Variants in VWA3A observed in about 807,000 individuals in gnomAD.
VWA3A encodes von Willebrand factor A domain-containing protein 3A.
In VWA3A, 134 loss-of-function variants were observed where a neutral mutation model predicts 160.4. The ratio of observed to expected loss-of-function variants is 0.84; its 90% CI spans 0.73 to 0.96. The LOEUF (loss-of-function observed/expected upper bound fraction) is 0.96. VWA3A is among the 40% of genes least tolerant of loss of function. VWA3A has a pLI of 0.00. For synonymous variants in VWA3A, 476 were observed against 543.4 expected (o/e 0.88, Z 1.72); for missense variants, 1,310 against 1,447.9 (o/e 0.90, Z 1.55).
chr16:22,114,033 A>G (rs1219416264), intron 8 of VWA3A, among the ~76,000 whole-genome samples: 1 of 152,174 alleles, frequency 6.6e-6, no homozygotes, highest in Non-Finnish European at 1.5e-5. Flanking sequence ...TTGAGAAAAA[A>G]AAAAAAGAAA....
chr16:22,093,863 C>T (rs1398275953), intron 1 of VWA3A, among the ~76,000 whole-genome samples: 4 of 152,096 alleles, frequency 2.6e-5, no homozygotes, highest in Non-Finnish European at 5.9e-5. Context: ...CTCCTGGGCT[C>T]AAGTGACCTG....
In VWA3A at chr16:22,109,529, G is replaced by C; in HGVS notation, c.531G>C (p.Val177=). The change falls in exon 7 of 34, where the codon GTG becomes GTC. Residue 177 remains valine (V), a synonymous_variant. Coordinates refer to ENST00000389398, the MANE Select transcript of VWA3A (RefSeq NM_173615.5). The part of the protein sequence containing the change: ...KGARVSILID[V]SAISSGPQKE... ...CCAGAGTCAGCATCCTCATAGATGT[G>C]TCAGCCATCAGCAGTGGCCCTCAGA... The C allele has an allele frequency of 5.0e-6, 8 of 1,613,244 alleles. No homozygotes were observed. Among genetic ancestry groups the C allele is most frequent in the Non-Finnish European group, 6.8e-6 (8 of 1,179,648 alleles).
rs1156703764 is a variant in VWA3A at position 22,149,637 on chromosome 16, G to T, written c.2985-150G>T. The T allele has an allele frequency of 3.2e-6, 3 of 932,444 alleles. No individual in the cohort carries two copies. The African/African-American group carries it at 5.1e-5, about 16-fold the overall frequency. The allele number at this position is 932,444 out of a possible 1,614,324, so 57.8% of individuals were successfully genotyped here. On this transcript the variant is annotated intron_variant, in intron 28 of 33. Transcript: ENST00000389398. ...AGGCCCCACAGCCCTCTCCCTGAGGGGCCACAGGGCTCGTTGTAGGGGTCT... is the reference window on the plus strand; with the variant it reads ...AGGCCCCACAGCCCTCTCCCTGAGGTGCCACAGGGCTCGTTGTAGGGGTCT...
intron 26 of VWA3A, among the ~76,000 whole-genome samples, chr16:22,145,640 CAAAAA>C (rs201708423): frequency 1.1e-5 from 1 of 87,150 alleles, no homozygotes. Flanking sequence ...GACTCTGTCT[CAAAAA>C]AAAAAAAAAA....
chr16:22,102,883 C>T (rs1049854080), intron 5 of VWA3A, among the ~76,000 whole-genome samples: 7 of 152,066 alleles, frequency 4.6e-5, no homozygotes, highest in Non-Finnish European at 1.0e-4. Context: ...AGAAAGGAGA[C>T]GAGGTTACAT....
In VWA3A at chr16:22,132,922, C is replaced by A; in HGVS notation, c.1895C>A (p.Ala632Asp). The A allele has an allele frequency of 6.2e-7, 1 of 1,613,724 alleles. No individual in the cohort carries two copies. The highest frequency in any genetic ancestry group is 8.5e-7 in the Non-Finnish European group (1 of 1,179,854). Residue 632 changes from alanine to aspartate, a missense_variant, in exon 20 of 34, where the codon GCT becomes GAT. Ala to Asp is a moderately radical substitution (Grantham distance 126, BLOSUM62 -2). Transcript: ENST00000389398. ...QDMPTLSAYM[A>D]EACGGCDLQL... ...CAGCCTACACTCAGTGCCTACATGG[C>A]TGAGGCCTGTGGCGGCTGCGACCTC...
chr16:22,123,637 A>T lies in VWA3A; in HGVS notation c.1462A>T (p.Met488Leu), dbSNP rs1304121547. ...GCAACAGCTCAGCAGAGCTATGCGG[A>T]TGTATGAGAGGCGGATTGAGTGGCT... Reference protein sequence around the residue: ...YQQQLSRAMRMYERRIEWLSL... With the variant: ...YQQQLSRAMRLYERRIEWLSL... Residue 488 changes from methionine (M) to leucine (L), a missense_variant, in exon 16 of 34, where the codon ATG becomes TTG. Physicochemically the swap from Met to Leu is conservative, Grantham distance 15. Coordinates refer to ENST00000389398, the MANE Select transcript of VWA3A (RefSeq NM_173615.5). 9 of 1,613,942 alleles carry T rather than the reference A, an allele frequency of 5.6e-6. 1 individual carries two copies. The highest frequency in any genetic ancestry group is 1.7e-5 in the Admixed American group (1 of 60,024).
At chr16:22,129,222 T>C (rs1031867258) in intron 17 of VWA3A, among the ~76,000 whole-genome samples, 15 of 151,582 alleles carry the variant, frequency 9.9e-5, no homozygotes, top group Non-Finnish European at 1.6e-4. Flanking sequence ...ACCCCATCTC[T>C]ACTAAAAATA....
At chr16:22,141,078 C>T (rs1331294364) in intron 23 of VWA3A, 2 of 411,060 alleles carry the variant, frequency 4.9e-6, no homozygotes, top group Non-Finnish European at 9.8e-6. Flanking sequence ...ATTGTACTGA[C>T]AAAGGAACTG....
chr16:22,109,736 A>G (rs1010614077), intron 7 of VWA3A, among the ~76,000 whole-genome samples, 156 bp downstream of exon 7: 1 of 152,236 alleles, frequency 6.6e-6, no homozygotes, highest in African/African-American at 2.4e-5. Flanking sequence ...TTAGAGAACT[A>G]TGTTGAATTC....
intron 11 of VWA3A, among the ~76,000 whole-genome samples, chr16:22,117,837 T>A (rs2045671997): frequency 6.6e-6 from 1 of 152,198 alleles, no homozygotes; most frequent in Admixed American, 6.5e-5. Context: ...ACAAGGTCCC[T>A]GCTTTTCATA....
intron 13 of VWA3A, 119 bp downstream of exon 13, chr16:22,121,222 G>T: frequency 6.8e-7 from 1 of 1,471,564 alleles, no homozygotes; most frequent in Non-Finnish European, 9.3e-7. Flanking sequence ...AAGAAGGAAG[G>T]ATCAGTTGAG....
chr16:22,126,406 C>G, intron 17 of VWA3A, 109 bp downstream of exon 17: 5 of 1,435,922 alleles, frequency 3.5e-6, no homozygotes, highest in Non-Finnish European at 4.6e-6. Flanking sequence ...ACGTCATGGT[C>G]ACCCGGCTTC....
At chr16:22,103,593 C>T in intron 6 of VWA3A, 64 bp downstream of exon 6, 1 of 1,525,112 alleles carries the variant, frequency 6.6e-7, no homozygotes, top group Non-Finnish European at 8.9e-7. Context: ...TGTTAGAACC[C>T]TTTCAGTTGC....
At position 22,155,914 on chromosome 16, in the gene VWA3A, C is replaced by T. The variant is rs762530837; in HGVS notation, c.*12C>T. On this transcript the variant is annotated splice_region_variant and 3_prime_UTR_variant, in exon 33 of 34. Transcript: ENST00000389398. ...TCACTCTTTCCTAGAGAAGTGTTCT[C>T]AGGTAAGGGGAGGGGCTAGACCCCA... 5 of 1,613,796 alleles carry T rather than the reference C, an allele frequency of 3.1e-6. No homozygotes were observed. The highest frequency in any genetic ancestry group is 4.2e-6 in the Non-Finnish European group (5 of 1,179,892).
intron 23 of VWA3A, chr16:22,141,224 C>A (rs1199652895): frequency 4.1e-6 from 2 of 489,754 alleles, no homozygotes; most frequent in Non-Finnish European, 8.0e-6. Context: ...TGGCTCAGAG[C>A]AGAGTTCTGG....
intron 27 of VWA3A, chr16:22,147,746 T>C: frequency 1.4e-6 from 1 of 690,576 alleles, no homozygotes; most frequent in East Asian, 2.7e-5. Flanking sequence ...AAACCAGAGA[T>C]CCAGCGATTT....
intron 1 of VWA3A, among the ~76,000 whole-genome samples, chr16:22,093,931 A>G (rs982072476): frequency 5.4e-5 from 7 of 130,226 alleles, no homozygotes; most frequent in African/African-American, 3.0e-4. Flanking sequence ...TGCCCAGCTA[A>G]TTTTTGTATT....
chr16:22,156,542 G>A lies in VWA3A; in HGVS notation c.*525G>A, dbSNP rs2046443696. On this transcript the variant is annotated 3_prime_UTR_variant, in exon 34 of 34. Coordinates refer to ENST00000389398, the MANE Select transcript of VWA3A (RefSeq NM_173615.5). Reference sequence around the variant, plus strand: ...TTCTCCTTGATGGTGAGCTCCTTCGGGATGAGACTGGTGTCCCAGGATCTG... The same window carrying A: ...TTCTCCTTGATGGTGAGCTCCTTCGAGATGAGACTGGTGTCCCAGGATCTG... The A allele has an allele frequency of 1.3e-5, 2 of 152,380 alleles. No homozygotes were observed. The highest frequency in any genetic ancestry group is 4.8e-5 in the African/African-American group (2 of 41,436). 9.4% of individuals were successfully genotyped at this position (152,380 alleles called of 1,614,324 possible). A position where few individuals can be genotyped will look rare whatever the true frequency, so the allele number is the denominator to read the frequency against.
Sources: gnomAD v4.1 joint callset for allele counts (sites outside exome capture counted in the v4.1 genomes callset) on GRCh38, gnomAD v4.1.1 for gene constraint, MANE v1.5 for transcripts, NCBI Gene and HGNC (gene_info 2026-07-23, HGNC 2026-07-21) for gene names.